The following AGBL1 variants were observed in gnomAD, a reference collection of about 807,000 sequenced individuals.
The protein encoded by AGBL1 is AGBL carboxypeptidase 1, also known as cytosolic carboxypeptidase 4.
Under a neutral mutation model 118.9 loss-of-function variants are expected in AGBL1, and 130 were observed. The ratio of observed to expected loss-of-function variants is 1.09; its 90% CI spans 0.95 to 1.26. The LOEUF is 1.26. AGBL1 is among the 50% of genes most tolerant of loss of function. The pLI is 0.00. For synonymous variants in AGBL1, 555 were observed against 478.9 expected, an observed-to-expected ratio of 1.16 and a Z score of -2.08; for missense variants, 1,584 against 1,298.1, an observed-to-expected ratio of 1.22 and a Z score of -3.38.
intron 22 of AGBL1, among the ~76,000 whole-genome samples, chr15:86,789,312 A>G (rs1415033576): frequency 6.6e-6 from 1 of 152,238 alleles, no homozygotes; most frequent in Non-Finnish European, 1.5e-5. Context: ...AGCATAATGC[A>G]GACTCGGATT....
intron 23 of AGBL1, among the ~76,000 whole-genome samples, chr15:86,955,113 C>T (rs1383800349): frequency 6.6e-6 from 1 of 152,010 alleles, no homozygotes; most frequent in African/African-American, 2.4e-5. Context: ...TTTAGAAACC[C>T]TGCAATTTCA....
chr15:86,730,508 T>G (rs992890498), intron 22 of AGBL1, among the ~76,000 whole-genome samples: 1 of 152,016 alleles, frequency 6.6e-6, no homozygotes, highest in African/African-American at 2.4e-5. Context: ...GGTCCGTGGG[T>G]TTTTTTTCTT....
At chr15:86,832,091 A>T (rs1596530942) in intron 22 of AGBL1, among the ~76,000 whole-genome samples, 1 of 152,176 alleles carries the variant, frequency 6.6e-6, no homozygotes, top group Non-Finnish European at 1.5e-5. Flanking sequence ...CATGGCTGGG[A>T]TGCAGAGCAC....
At chr15:86,409,399 T>G (rs773101161) in intron 18 of AGBL1, among the ~76,000 whole-genome samples, 2 of 152,164 alleles carry the variant, frequency 1.3e-5, no homozygotes, top group Non-Finnish European at 2.9e-5. Context: ...TGTTAAATGA[T>G]GCATAGTGCT....
intron 22 of AGBL1, among the ~76,000 whole-genome samples, chr15:86,897,850 G>T (rs1463732724): frequency 7.2e-6 from 1 of 138,234 alleles, no homozygotes; most frequent in Non-Finnish European, 1.5e-5. Context: ...GCTCACTGCA[G>T]TTTCGACCTC....
At chr15:86,595,755 GT>G (rs199560629) in intron 21 of AGBL1, among the ~76,000 whole-genome samples, 1 of 152,118 alleles carries the variant, frequency 6.6e-6, no homozygotes. Context: ...ATAGATATGA[GT>G]TTTTTACTCA....
At chr15:86,352,886 A>G (rs1264647132) in intron 17 of AGBL1, among the ~76,000 whole-genome samples, 1 of 152,204 alleles carries the variant, frequency 6.6e-6, no homozygotes, top group Non-Finnish European at 1.5e-5. Context: ...ACCTCAGGTT[A>G]TGACAACCTC....
intron 18 of AGBL1, among the ~76,000 whole-genome samples, chr15:86,463,776 T>C (rs2082362773): frequency 6.6e-6 from 1 of 152,206 alleles, no homozygotes; most frequent in Non-Finnish European, 1.5e-5. Context: ...TTCCAAGTCC[T>C]CTGTTCTGTT....
chr15:86,773,168 A>T (rs532080943), intron 22 of AGBL1, among the ~76,000 whole-genome samples: 1 of 152,160 alleles, frequency 6.6e-6, no homozygotes, highest in South Asian at 2.1e-4. Flanking sequence ...CCTGAGTTGT[A>T]GGGAAGAACA....
intron 22 of AGBL1, among the ~76,000 whole-genome samples, chr15:86,890,114 C>T (rs1018948900): frequency 6.6e-6 from 1 of 152,110 alleles, no homozygotes; most frequent in Admixed American, 6.6e-5. Flanking sequence ...TAGTATCACA[C>T]TGTGGTTTTG....
chr15:86,393,271 G>T lies in AGBL1; in HGVS notation c.2375-4095G>T, dbSNP rs1411309926. 7.2e-5 allele frequency among the ~76,000 whole-genome samples: 11 copies of T among 152,218 alleles called. No homozygotes were observed. The East Asian group carries it at 2.1e-3, about 29-fold the overall frequency. ...TGTCTCTCTGTTAGAGCTTGCATTT[G>T]GCTTATTGATTAATGTACTGCGTTG... is the stretch of plus-strand genomic sequence containing the variant. On this transcript the variant is annotated intron_variant, in intron 17 of 22. Transcript: ENST00000614907.
intron 22 of AGBL1, among the ~76,000 whole-genome samples, chr15:86,713,177 A>G (rs2086587059): frequency 6.6e-6 from 1 of 152,170 alleles, no homozygotes; most frequent in South Asian, 2.1e-4. Flanking sequence ...CTGAAAGAGA[A>G]AGGGAGGCTA....
chr15:86,392,051 C>G (rs566275223), intron 17 of AGBL1, among the ~76,000 whole-genome samples: 61 of 152,054 alleles, frequency 4.0e-4, no homozygotes, highest in Middle Eastern at 3.4e-3. Flanking sequence ...GATTGTTATT[C>G]TCTAAAAAAG....
At chr15:86,444,654 A>G (rs1412971486) in intron 18 of AGBL1, among the ~76,000 whole-genome samples, 1 of 152,188 alleles carries the variant, frequency 6.6e-6, no homozygotes, top group Non-Finnish European at 1.5e-5. Flanking sequence ...AATAACAGCA[A>G]GAAAACCAGC....
chr15:86,895,853 A>G (rs1352203787), intron 22 of AGBL1, among the ~76,000 whole-genome samples: 1 of 151,932 alleles, frequency 6.6e-6, no homozygotes, highest in Non-Finnish European at 1.5e-5. Context: ...GCCCTGCTTT[A>G]TTGATGTTTA....
rs1169935278 is a variant in AGBL1 at position 86,271,669 on chromosome 15, A to C, written c.2038A>C (p.Thr680Pro). ...SVKEALLGKP[T>P]WIRTGHEICY... ...GAAGGAGGCTCTTCTTGGCAAACCCACCTGGATAAGGACAGGCCATGAAAT... is the reference window on the plus strand; with the variant it reads ...GAAGGAGGCTCTTCTTGGCAAACCCCCCTGGATAAGGACAGGCCATGAAAT... Residue 680 changes from threonine (T) to proline (P), a missense_variant, in exon 15 of 23, where the codon ACC becomes CCC. By Grantham distance (38) the Thr-to-Pro change is conservative (BLOSUM62 -1). Transcript: ENST00000614907. 1 of 1,613,538 alleles carries C rather than the reference A, an allele frequency of 6.2e-7. No individual in the cohort carries two copies. The highest frequency in any genetic ancestry group is 1.7e-5 in the Admixed American group (1 of 60,022).
intron 22 of AGBL1, among the ~76,000 whole-genome samples, chr15:86,778,125 A>G (rs905265441): frequency 1.3e-5 from 2 of 152,122 alleles, no homozygotes; most frequent in Non-Finnish European, 2.9e-5. Flanking sequence ...TGAGCCGTAA[A>G]ACCAGCAAGT....
chr15:86,760,511 A>G (rs2078008616), intron 22 of AGBL1, among the ~76,000 whole-genome samples: 1 of 152,070 alleles, frequency 6.6e-6, no homozygotes, highest in Non-Finnish European at 1.5e-5. Context: ...CATTACGGAA[A>G]AACACAACAG....
At chr15:86,966,246 C>G (rs574025847) in intron 23 of AGBL1, among the ~76,000 whole-genome samples, 2 of 149,302 alleles carry the variant, frequency 1.3e-5, no homozygotes, top group Non-Finnish European at 3.0e-5. Context: ...GCTTAAGGTC[C>G]AGTCTGAATT....
Sources: allele counts gnomAD v4.1 joint callset (sites outside exome capture counted in the v4.1 genomes callset), GRCh38; gene constraint gnomAD v4.1.1; transcripts MANE v1.5; gene names NCBI Gene and HGNC (gene_info 2026-07-23, HGNC 2026-07-21).